CATSPERB: variants seen among roughly 807,000 people sequenced by gnomAD.
CATSPERB encodes catsper channel auxiliary subunit beta, also known as cation channel sperm-associated auxiliary subunit beta.
In CATSPERB, 93 loss-of-function variants were observed where a neutral mutation model predicts 128.3. That is an observed-to-expected ratio of 0.72 (90% confidence interval 0.61 to 0.86). The LOEUF (loss-of-function observed/expected upper bound fraction) is 0.86. CATSPERB is among the 40% of genes least tolerant of loss of function. The pLI, the probability that CATSPERB is intolerant of heterozygous loss-of-function variation, is 0.00. For synonymous variants in CATSPERB, 381 were observed against 448.8 expected (o/e 0.85, Z 1.91); for missense variants, 1,153 against 1,329.5 (o/e 0.87, Z 2.06).
At chr14:91,676,977 A>G (rs1253887394) in intron 11 of CATSPERB, among the ~76,000 whole-genome samples, 1 of 152,260 alleles carries the variant, frequency 6.6e-6, no homozygotes, top group African/African-American at 2.4e-5. Context: ...TGGGGAAAGA[A>G]TTCCCTATTT....
chr14:91,665,793 C>A (rs896766040), intron 14 of CATSPERB, among the ~76,000 whole-genome samples: 1 of 152,044 alleles, frequency 6.6e-6, no homozygotes, highest in Admixed American at 6.6e-5. Context: ...TCACTTGAAC[C>A]CGGGAGGTGG....
chr14:91,593,875 G>A (rs919081968), intron 22 of CATSPERB, among the ~76,000 whole-genome samples: 2 of 150,276 alleles, frequency 1.3e-5, no homozygotes, highest in African/African-American at 4.9e-5. Flanking sequence ...CGCATGTTGT[G>A]GAAGGGACCC....
intron 17 of CATSPERB, among the ~76,000 whole-genome samples, chr14:91,631,962 A>G (rs529266784): frequency 1.7e-4 from 26 of 152,256 alleles, no homozygotes; most frequent in Non-Finnish European, 2.5e-4. Context: ...AAAAGTCCCA[A>G]TCAAGTAGAA....
chr14:91,640,211 GC>G (rs1185683136), intron 15 of CATSPERB, among the ~76,000 whole-genome samples: 1 of 151,130 alleles, frequency 6.6e-6, no homozygotes, highest in African/African-American at 2.4e-5. Flanking sequence ...TATTGCTGTT[GC>G]TTAGCCCAAA....
chr14:91,698,857 C>A (rs1895602948), intron 7 of CATSPERB, among the ~76,000 whole-genome samples: 1 of 152,142 alleles, frequency 6.6e-6, no homozygotes, highest in Non-Finnish European at 1.5e-5. Context: ...AGCTCCCTCC[C>A]AACCTCCTCC....
chr14:91,606,622 T>C (rs1260911585), intron 22 of CATSPERB, among the ~76,000 whole-genome samples: 2 of 152,218 alleles, frequency 1.3e-5, no homozygotes, highest in African/African-American at 2.4e-5. Context: ...TGCAGGGCCG[T>C]ACTGTTCAGA....
At chr14:91,729,700 A>G (rs1414663930) in intron 1 of CATSPERB, among the ~76,000 whole-genome samples, 2 of 152,228 alleles carry the variant, frequency 1.3e-5, no homozygotes, top group African/African-American at 4.8e-5. Flanking sequence ...ACAAACTAGA[A>G]AAAGAGATGT....
At chr14:91,698,058 A>AGTGTTT (rs1308043960) in intron 7 of CATSPERB, among the ~76,000 whole-genome samples, 1 of 151,944 alleles carries the variant, frequency 6.6e-6, no homozygotes, top group Non-Finnish European at 1.5e-5. Flanking sequence ...TTATTTGAGC[A>AGTGTTT]GTGTTTTGTA....
At chr14:91,614,075 G>A (rs1893889066) in intron 20 of CATSPERB, among the ~76,000 whole-genome samples, 1 of 152,284 alleles carries the variant, frequency 6.6e-6, no homozygotes. Flanking sequence ...CTTGCCGCAC[G>A]TCTCTTGGCT....
intron 17 of CATSPERB, among the ~76,000 whole-genome samples, chr14:91,634,846 A>ACCACTTG (rs1894344084): frequency 6.7e-6 from 1 of 149,766 alleles, no homozygotes; most frequent in Admixed American, 6.7e-5. Flanking sequence ...GTATAAGAAT[A>ACCACTTG]GAGTCCACCA....
chr14:91,581,483 T>C (rs933830487), intron 26 of CATSPERB, among the ~76,000 whole-genome samples: 1 of 152,224 alleles, frequency 6.6e-6, no homozygotes, highest in Non-Finnish European at 1.5e-5. Flanking sequence ...CTTTCTGAGC[T>C]GGATCATGAC....
chr14:91,612,316 A>T (rs147724605), intron 20 of CATSPERB, among the ~76,000 whole-genome samples: 8 of 152,114 alleles, frequency 5.3e-5, no homozygotes, highest in Non-Finnish European at 7.4e-5. Context: ...AACTAAAAAA[A>T]TTTTTTTAAA....
At chr14:91,656,179 C>T (rs1450215154) in intron 15 of CATSPERB, among the ~76,000 whole-genome samples, 3 of 151,910 alleles carry the variant, frequency 2.0e-5, no homozygotes, top group East Asian at 3.9e-4. Context: ...ATAAGAAATG[C>T]TAAAGGGAAT....
intron 18 of CATSPERB, among the ~76,000 whole-genome samples, chr14:91,622,494 A>T (rs1894068670): frequency 6.6e-6 from 1 of 152,230 alleles, no homozygotes; most frequent in Admixed American, 6.5e-5. Flanking sequence ...AGAAGAAATG[A>T]TTGGAGAAAA....
intron 11 of CATSPERB, among the ~76,000 whole-genome samples, chr14:91,675,902 G>C (rs1895184731): frequency 2.0e-5 from 3 of 152,176 alleles, no homozygotes; most frequent in Non-Finnish European, 4.4e-5. Context: ...GAATTCTTCT[G>C]TGGGTTATCT....
At chr14:91,686,962 C>T (rs951076833) in intron 10 of CATSPERB, among the ~76,000 whole-genome samples, 1 of 152,008 alleles carries the variant, frequency 6.6e-6, no homozygotes, top group African/African-American at 2.4e-5. Flanking sequence ...AGGCTATTCT[C>T]CATTTACTAA....
At chr14:91,714,277 C>CAAAAAAAAAAAAAAAAAAAAA (rs35951126) in intron 5 of CATSPERB, among the ~76,000 whole-genome samples, 20 of 111,268 alleles carry the variant, frequency 1.8e-4, no homozygotes, top group Non-Finnish European at 2.2e-4. Context: ...TACAATAAGG[C>CAAAAAAAAAAAAAAAAAAAAA]AAAAAAAAAA....
intron 17 of CATSPERB, among the ~76,000 whole-genome samples, chr14:91,627,158 T>C (rs935531502): frequency 6.6e-6 from 1 of 152,206 alleles, no homozygotes; most frequent in Non-Finnish European, 1.5e-5. Flanking sequence ...GAATTTGTGT[T>C]AAAAATACAT....
At chr14:91,726,992 C>G (rs1428919047) in intron 2 of CATSPERB, among the ~76,000 whole-genome samples, 1 of 152,148 alleles carries the variant, frequency 6.6e-6, no homozygotes, top group Non-Finnish European at 1.5e-5. Context: ...AGGCTTCCCA[C>G]CAGCACAGGC....
Sources: allele counts gnomAD v4.1 joint callset (sites outside exome capture counted in the v4.1 genomes callset), GRCh38; gene constraint gnomAD v4.1.1; transcripts MANE v1.5; gene names NCBI Gene and HGNC (gene_info 2026-07-23, HGNC 2026-07-21).